The following CRYBA4 variants were observed in gnomAD, a reference collection of about 807,000 sequenced individuals.
CRYBA4 encodes the protein crystallin beta A4.
CRYBA4 carries 30 observed loss-of-function variants against 31.7 expected under a neutral mutation model. The observed-to-expected ratio is 0.95, with a 90% CI of 0.71 to 1.28. The LOEUF (loss-of-function observed/expected upper bound fraction) is 1.28, where lower values mean the gene tolerates loss of function less well. Ranked by LOEUF, CRYBA4 falls within the 50% of genes most tolerant of loss-of-function variation. The pLI is 0.00. For synonymous variants in CRYBA4, 102 were observed against 102.3 expected, an observed-to-expected ratio of 1.00 and a Z score of 0.02; for missense variants, 225 against 260.7, an observed-to-expected ratio of 0.86 and a Z score of 0.94.
At chr22:26,612,987 C>G in the CRYBA4 span, among the ~76,000 whole-genome samples, 2 of 152,138 alleles carry the variant, frequency 1.3e-5, no homozygotes, top group Non-Finnish European at 2.9e-5. Flanking sequence ...GTCTCCCTCT[C>G]TCTCTGCACT....
intron 5 of CRYBA4, among the ~76,000 whole-genome samples, chr22:26,628,790 G>C (rs1222016370): frequency 6.6e-6 from 1 of 152,114 alleles, no homozygotes; most frequent in East Asian, 1.9e-4. Context: ...CGGCTTCATC[G>C]TTACATCCAG....
upstream of CRYBA4, among the ~76,000 whole-genome samples, chr22:26,619,645 C>T (rs1017469969): frequency 6.6e-6 from 1 of 152,246 alleles, no homozygotes; most frequent in African/African-American, 2.4e-5. Flanking sequence ...CCACCCAGCA[C>T]CCCCTCGCTT....
chr22:26,590,248 G>GCTCT, the CRYBA4 span: 1 of 144,118 alleles, frequency 6.9e-6, no homozygotes, highest in Non-Finnish European at 1.5e-5. Flanking sequence ...GAGGTGAGCA[G>GCTCT]AGGCTGGTCG....
chr22:26,590,800 G>A, the CRYBA4 span, among the ~76,000 whole-genome samples: 1 of 151,638 alleles, frequency 6.6e-6, no homozygotes, highest in African/African-American at 2.4e-5. Flanking sequence ...AAAAAATGCC[G>A]AATAGCGTAA....
upstream of CRYBA4, among the ~76,000 whole-genome samples, chr22:26,617,434 C>T (rs938882705): frequency 1.3e-5 from 2 of 152,210 alleles, no homozygotes; most frequent in Non-Finnish European, 1.5e-5. Context: ...CCTCCCCCAG[C>T]CTCCTCCAGG....
chr22:26,611,434 T>C, the CRYBA4 span, among the ~76,000 whole-genome samples: 1 of 151,286 alleles, frequency 6.6e-6, no homozygotes, highest in Admixed American at 6.6e-5. Flanking sequence ...CTCTCAGCCC[T>C]CGGTAATGGG....
At chr22:26,624,334 T>G (rs1355758585) in intron 3 of CRYBA4, among the ~76,000 whole-genome samples, 2 of 151,960 alleles carry the variant, frequency 1.3e-5, no homozygotes, top group Non-Finnish European at 2.9e-5. Context: ...GGATAGAAGG[T>G]TCTAGAAGGT....
At chr22:26,605,044 C>G in the CRYBA4 span, among the ~76,000 whole-genome samples, 1 of 152,140 alleles carries the variant, frequency 6.6e-6, no homozygotes, top group East Asian at 1.9e-4. Context: ...CATCGTTGCT[C>G]TAGGAGTTTT....
the CRYBA4 span, among the ~76,000 whole-genome samples, chr22:26,604,010 A>C: frequency 6.6e-6 from 1 of 152,232 alleles, no homozygotes; most frequent in Admixed American, 6.5e-5. Flanking sequence ...TAATGCTTTC[A>C]TGACCCTGTA....
chr22:26,612,424 G>A, the CRYBA4 span, among the ~76,000 whole-genome samples: 17 of 152,210 alleles, frequency 1.1e-4, no homozygotes, highest in South Asian at 3.3e-3. Context: ...GTTCAGTGGC[G>A]CAATCATGGC....
the CRYBA4 span, chr22:26,612,217 G>C: frequency 1.3e-6 from 2 of 1,515,418 alleles, no homozygotes; most frequent in Middle Eastern, 1.7e-4. Context: ...CCCATGCCAA[G>C]GGCAGAGTGA....
chr22:26,598,873 T>C, the CRYBA4 span, among the ~76,000 whole-genome samples: 2 of 152,184 alleles, frequency 1.3e-5, no homozygotes, highest in Non-Finnish European at 2.9e-5. Context: ...TGGCTACAGT[T>C]TGAAAAAAAT....
chr22:26,612,178 C>T, the CRYBA4 span: 7 of 1,613,022 alleles, frequency 4.3e-6, no homozygotes, highest in African/African-American at 2.7e-5. Flanking sequence ...TTTTCCAGTT[C>T]GAAGACCACC....
Position 26,623,153 on chromosome 22 carries a change from A to G in CRYBA4, c.40-81A>G, listed in dbSNP as rs1193790133. On this transcript the variant is annotated intron_variant, in intron 2 of 5. Transcript: ENST00000354760. ...GTTTGCAATCCCTGCTTTACCTGCC[A>G]GATCCTGGGGCGAGCCCCCAACCTC... is the stretch of plus-strand genomic sequence containing the variant. 1.8e-5 allele frequency: 21 copies of G among 1,180,468 alleles called. No individual in the cohort carries two copies. In the East Asian group the frequency reaches 4.2e-4, roughly 24 times the overall value. The allele number at this position is 1,180,468 out of a possible 1,614,324, so 73.1% of individuals were successfully genotyped here.
chr22:26,599,382 A>G, the CRYBA4 span: 1 of 1,097,578 alleles, frequency 9.1e-7, no homozygotes, highest in Non-Finnish European at 1.4e-6. Flanking sequence ...CTGTTTACAG[A>G]TCCAGGAGAA....
the CRYBA4 span, among the ~76,000 whole-genome samples, chr22:26,614,533 C>T: frequency 0.018 from 2,675 of 152,254 alleles, 74 homozygotes; most frequent in African/African-American, 0.061. Context: ...TGAAATCGTG[C>T]TTAGCAGGAA....
In CRYBA4 at chr22:26,623,354, T is replaced by C; in HGVS notation, c.158+2T>C. ...ATCTTTGAAAGTGCTGAGTGGAGCG[T>C]GAGTCTAGGGGGACACTGAGTTGGG... On this transcript the variant is annotated splice_donor_variant, in intron 3 of 5. Transcript: ENST00000354760. LOFTEE classifies it high-confidence loss of function. The C allele has an allele frequency of 6.2e-7, 1 of 1,610,726 alleles. No individual in the cohort carries two copies. Among genetic ancestry groups the C allele is most frequent in the Non-Finnish European group, 8.5e-7 (1 of 1,176,998 alleles).
chr22:26,628,302 G>A lies in CRYBA4; in HGVS notation c.315G>A (p.Ser105=), dbSNP rs761401096. 1.7e-5 allele frequency: 27 copies of A among 1,613,876 alleles called. No homozygotes were observed. Among genetic ancestry groups the A allele is most frequent in the African/African-American group, 1.5e-4 (11 of 74,884 alleles). The change falls in exon 5 of 6, where the codon TCG becomes TCA. Residue 105 remains serine (S), a synonymous_variant. Transcript: ENST00000354760. Reference sequence around the variant, plus strand: ...TGTTCCTGTAGAACCACCGTGACTCGAGGCTGACAATCTTCGAGCAAGAGA... The same window carrying A: ...TGTTCCTGTAGAACCACCGTGACTCAAGGCTGACAATCTTCGAGCAAGAGA... ...RPAACANHRD[S]RLTIFEQENF...
chr22:26,592,402 C>T, the CRYBA4 span, among the ~76,000 whole-genome samples: 1 of 152,230 alleles, frequency 6.6e-6, no homozygotes, highest in Non-Finnish European at 1.5e-5. Context: ...GCACCTGTAA[C>T]TGATGAGGCA....
Sources: gnomAD v4.1 joint callset for allele counts (sites outside exome capture counted in the v4.1 genomes callset) on GRCh38, gnomAD v4.1.1 for gene constraint, MANE v1.5 for transcripts, NCBI Gene and HGNC (gene_info 2026-07-23, HGNC 2026-07-21) for gene names.